The following EPM2A variants were observed in gnomAD, a reference collection of about 807,000 sequenced individuals.
The protein encoded by EPM2A is laforin.
Under a neutral mutation model 26.5 loss-of-function variants are expected in EPM2A, and 21 were observed. That is an observed-to-expected ratio of 0.79 (90% confidence interval 0.56 to 1.14). The LOEUF is 1.14. Ranked by LOEUF, EPM2A falls within the 50% of genes most tolerant of loss-of-function variation. The pLI is 0.00. For synonymous variants in EPM2A, 217 were observed against 177.6 expected, an observed-to-expected ratio of 1.22 and a Z score of -1.76; for missense variants, 458 against 440.8, an observed-to-expected ratio of 1.04 and a Z score of -0.35.
At chr6:145,643,805 T>C (rs1777258892) in intron 2 of EPM2A, among the ~76,000 whole-genome samples, 2 of 152,036 alleles carry the variant, frequency 1.3e-5, no homozygotes, top group South Asian at 4.2e-4. Context: ...AAAAAGGGAT[T>C]CCATTAAATA....
chr6:145,557,254 A>G (rs1780739536), intron 2 of EPM2A, among the ~76,000 whole-genome samples: 1 of 152,160 alleles, frequency 6.6e-6, no homozygotes, highest in Non-Finnish European at 1.5e-5. Flanking sequence ...GCAAGGAAAT[A>G]GCAAGAAGCA....
intron 2 of EPM2A, among the ~76,000 whole-genome samples, chr6:145,659,266 A>G (rs1778515222): frequency 6.6e-6 from 1 of 152,202 alleles, no homozygotes; most frequent in Non-Finnish European, 1.5e-5. Flanking sequence ...CATGAATCAT[A>G]CACTCTGGAA....
chr6:145,590,884 C>T (rs1781265318), intron 2 of EPM2A, among the ~76,000 whole-genome samples: 1 of 152,050 alleles, frequency 6.6e-6, no homozygotes, highest in African/African-American at 2.4e-5. Flanking sequence ...AAAGTTTAAC[C>T]TAGCATCGAA....
chr6:145,713,344 G>A (rs1775442329), intron 1 of EPM2A, among the ~76,000 whole-genome samples: 1 of 152,124 alleles, frequency 6.6e-6, no homozygotes, highest in Admixed American at 6.6e-5. Context: ...TTTCAACACA[G>A]CAATGAAAAG....
chr6:145,448,761 A>G (rs1164450353), intron 4 of EPM2A, among the ~76,000 whole-genome samples: 1 of 152,220 alleles, frequency 6.6e-6, no homozygotes, highest in Non-Finnish European at 1.5e-5. Flanking sequence ...ATGAAAGCAC[A>G]GAGATGATAC....
intron 4 of EPM2A, among the ~76,000 whole-genome samples, chr6:145,494,111 C>T (rs1039993678): frequency 2.0e-5 from 3 of 152,154 alleles, no homozygotes; most frequent in Admixed American, 2.0e-4. Context: ...TCTGTCTGGT[C>T]GTGGGCTTTT....
chr6:145,468,580 T>C (rs1442146402), intron 4 of EPM2A, among the ~76,000 whole-genome samples: 1 of 152,084 alleles, frequency 6.6e-6, no homozygotes, highest in Non-Finnish European at 1.5e-5. Context: ...TTGATCCATA[T>C]GCAGAAGAAT....
In EPM2A at chr6:145,627,405, A is replaced by C; in HGVS notation, c.*11T>G. On this transcript the variant is annotated 3_prime_UTR_variant, in exon 4 of 4. Transcript: ENST00000367519. ...AGGGAAATCAGGAGGGGGCAGAAGC[A>C]GGCTGACCAGCTACAGGCTACACAC... 1.2e-6 allele frequency: 2 copies of C among 1,614,054 alleles called. No homozygotes were observed. The highest frequency in any genetic ancestry group is 4.5e-5 in the East Asian group (2 of 44,878).
chr6:145,702,667 A>G (rs1479827598), intron 1 of EPM2A, among the ~76,000 whole-genome samples: 3 of 152,176 alleles, frequency 2.0e-5, no homozygotes, highest in Non-Finnish European at 1.5e-5. Flanking sequence ...CACTAATGCA[A>G]AAGAGGTATA....
intron 2 of EPM2A, among the ~76,000 whole-genome samples, chr6:145,549,319 C>A (rs528156254): frequency 4.1e-4 from 62 of 152,224 alleles, no homozygotes; most frequent in African/African-American, 1.4e-3. Flanking sequence ...GCCTACTTAT[C>A]ATTGTTAAAA....
chr6:145,385,529 T>G (rs1160255649), intron 4 of EPM2A, among the ~76,000 whole-genome samples: 4 of 152,206 alleles, frequency 2.6e-5, no homozygotes, highest in Admixed American at 1.3e-4. Flanking sequence ...TGGTTGTGAT[T>G]GATTTGTTTT....
At chr6:145,562,243 T>A (rs1780817039) in intron 2 of EPM2A, among the ~76,000 whole-genome samples, 1 of 151,968 alleles carries the variant, frequency 6.6e-6, no homozygotes, top group Non-Finnish European at 1.5e-5. Flanking sequence ...ACACTTAAAA[T>A]CTACTTTTTA....
intron 2 of EPM2A, among the ~76,000 whole-genome samples, chr6:145,665,463 G>T (rs1197308004): frequency 8.7e-6 from 1 of 114,288 alleles, no homozygotes; most frequent in Non-Finnish European, 1.8e-5. Context: ...GACTAAACCA[G>T]GAAGAAGTCG....
rs761518719 is a variant in EPM2A, at chr6:145,625,699, AG to A, written c.*1716del. On this transcript the variant is annotated 3_prime_UTR_variant, in exon 4 of 4. Transcript: ENST00000367519. Reference sequence around the variant, plus strand: ...TATAAATTTAACTTTGTAAAATTATAGTGGAAATGTGTCCTGGCTAGCTGCC... The same window carrying A: ...TATAAATTTAACTTTGTAAAATTATATGGAAATGTGTCCTGGCTAGCTGCC... 1 of 785,634 alleles carries A rather than the reference AG, an allele frequency of 1.3e-6. No homozygotes were observed. The highest frequency in any genetic ancestry group is 1.7e-5 in the African/African-American group (1 of 59,222). The allele number at this position is 785,634 out of a possible 1,614,324, so 48.7% of individuals were successfully genotyped here. A position where few individuals can be genotyped will look rare whatever the true frequency, so the allele number is the denominator to read the frequency against.
At chr6:145,648,111 T>C (rs1018666413) in intron 2 of EPM2A, among the ~76,000 whole-genome samples, 1 of 152,232 alleles carries the variant, frequency 6.6e-6, no homozygotes, top group Admixed American at 6.5e-5. Context: ...CTATGCTAAA[T>C]TCTTTTACTA....
chr6:145,391,524 C>T (rs57980525), intron 4 of EPM2A, among the ~76,000 whole-genome samples: 2 of 152,116 alleles, frequency 1.3e-5, no homozygotes, highest in South Asian at 2.1e-4. Flanking sequence ...GCCTGCCCCC[C>T]CTTTGTAAAT....
chr6:145,411,280 A>G (rs1298350521), intron 4 of EPM2A, among the ~76,000 whole-genome samples: 1 of 152,168 alleles, frequency 6.6e-6, no homozygotes, highest in East Asian at 1.9e-4. Context: ...TACATTCCCT[A>G]ATAAGTTTAT....
intron 2 of EPM2A, among the ~76,000 whole-genome samples, chr6:145,543,419 T>C (rs1239810507): frequency 6.6e-6 from 1 of 152,134 alleles, no homozygotes; most frequent in African/African-American, 2.4e-5. Context: ...AAGGTCTTGA[T>C]GGAAGTCACC....
intron 2 of EPM2A, among the ~76,000 whole-genome samples, chr6:145,616,384 T>A (rs1775512318): frequency 6.6e-6 from 1 of 152,230 alleles, no homozygotes; most frequent in South Asian, 2.1e-4. Context: ...TGCATGGAAA[T>A]GCTTGGATGC....
Sources: allele counts gnomAD v4.1 joint callset (sites outside exome capture counted in the v4.1 genomes callset), GRCh38; gene constraint gnomAD v4.1.1; transcripts MANE v1.5; gene names NCBI Gene and HGNC (gene_info 2026-07-23, HGNC 2026-07-21).